The following TECTA variants were observed in gnomAD, a reference collection of about 807,000 sequenced individuals.
The protein encoded by TECTA is alpha-tectorin.
TECTA carries 128 observed loss-of-function variants against 216.8 expected under a neutral mutation model. The observed-to-expected ratio is 0.59, with a 90% CI of 0.51 to 0.68. TECTA has a LOEUF of 0.68. Ranked by LOEUF, TECTA falls within the 30% of genes least tolerant of loss-of-function variation. The pLI is 0.00. For synonymous variants in TECTA, 1,089 were observed against 1,117.1 expected, an observed-to-expected ratio of 0.97 and a Z score of 0.50; for missense variants, 2,551 against 2,786.2, an observed-to-expected ratio of 0.92 and a Z score of 1.90.
intron 12 of TECTA, among the ~76,000 whole-genome samples, chr11:121,152,018 T>G (rs931277568): frequency 1.3e-5 from 2 of 152,232 alleles, no homozygotes; most frequent in African/African-American, 2.4e-5. Context: ...CAATCAGCCA[T>G]GAAGTGAATG....
In TECTA at chr11:121,137,491, C is replaced by G. The variant is rs61291716; in HGVS notation, c.3012C>G (p.Thr1004=). 3.8e-3 allele frequency: 6,144 copies of G among 1,613,882 alleles called. 187 individuals are homozygous for G. In the African/African-American group the frequency reaches 0.07, roughly 18 times the overall value. The change falls in exon 11 of 24, where the codon ACC becomes ACG. Residue 1004 remains threonine, a synonymous_variant. Coordinates refer to ENST00000392793, the MANE Select transcript of TECTA (RefSeq NM_005422.4). Reference sequence around the variant, plus strand: ...GTACAGAGACCTGTGAGACCCTTACCCTGGGCCCCATCTGCGTGGATAGCT... The same window carrying G: ...GTACAGAGACCTGTGAGACCCTTACGCTGGGCCCCATCTGCGTGGATAGCT... ...ITCTETCETL[T]LGPICVDSCS...
rs1946906899 is a variant in TECTA at position 121,153,019 on chromosome 11, A to G, written c.4244A>G (p.Asn1415Ser). 1 of 1,614,088 alleles carries G rather than the reference A, an allele frequency of 6.2e-7. No individual in the cohort carries two copies. ...GCHCDAGYVL[N>S]GKSCILPHSC... ...CACTGCGACGCTGGCTACGTCCTCA[A>G]CGGCAAGAGCTGCATCCTGCCCCAC... is the stretch of plus-strand genomic sequence containing the variant. The change falls in exon 13 of 24, where the codon AAC becomes AGC. Residue 1415 changes from asparagine to serine, a missense_variant. By Grantham distance (46) the Asn-to-Ser change is conservative (BLOSUM62 1). Around this residue, in one of 3 missense-constraint regions of TECTA, gnomAD observed 2,375 missense variants for 2,563.9 expected, o/e 0.93. Coordinates refer to ENST00000392793, the MANE Select transcript of TECTA (RefSeq NM_005422.4).
intron 4 of TECTA, among the ~76,000 whole-genome samples, chr11:121,111,804 C>A (rs1301488032): frequency 6.6e-6 from 1 of 152,206 alleles, no homozygotes; most frequent in Non-Finnish European, 1.5e-5. Context: ...CTGTCCTCTT[C>A]TGTTGAATGG....
rs187497599 is a variant in TECTA at position 121,139,958 on chromosome 11, C to T, written c.3543+1936C>T. ...ATCGTTTTGCCCACGTTGCTCGCAT[C>T]ATATTTGTCCTTTACTCTTTGTTTC... On this transcript the variant is annotated intron_variant, in intron 11 of 23. Coordinates refer to ENST00000392793, the MANE Select transcript of TECTA (RefSeq NM_005422.4). Among the ~76,000 whole-genome samples the T allele has an allele frequency of 5.1e-4, 78 of 152,340 alleles. 2 individuals carry two copies. In the East Asian group the frequency reaches 8.5e-3, roughly 17 times the overall value.
intron 12 of TECTA, among the ~76,000 whole-genome samples, chr11:121,149,043 G>A (rs1946866008): frequency 6.6e-6 from 1 of 152,230 alleles, no homozygotes; most frequent in African/African-American, 2.4e-5. Flanking sequence ...CTATGTGCCA[G>A]GTTCTAAGTG....
At chr11:121,156,921 A>G (rs779344504) in intron 13 of TECTA, among the ~76,000 whole-genome samples, 2 of 152,210 alleles carry the variant, frequency 1.3e-5, no homozygotes, top group Non-Finnish European at 2.9e-5. Context: ...TCTGATCCCA[A>G]AACGTTCCTT....
At chr11:121,131,086 G>GT (rs1229523198) in intron 10 of TECTA, among the ~76,000 whole-genome samples, 1 of 151,790 alleles carries the variant, frequency 6.6e-6, no homozygotes, top group Admixed American at 6.6e-5. Flanking sequence ...TGGTGGCGGG[G>GT]GCCTGTGGTC....
intron 16 of TECTA, 58 bp from the exon 17 acceptor site, chr11:121,165,215 T>C: frequency 6.6e-7 from 1 of 1,505,934 alleles, no homozygotes; most frequent in Non-Finnish European, 9.1e-7. Context: ...AACCAAAAGC[T>C]ACCGCATGTA....
chr11:121,126,048 C>G lies in TECTA; in HGVS notation c.1774+176C>G, dbSNP rs556882826. 2.0e-5 allele frequency among the ~76,000 whole-genome samples: 3 copies of G among 152,348 alleles called. No individual in the cohort carries two copies. The East Asian group carries it at 5.8e-4, about 29-fold the overall frequency. Reference sequence around the variant, plus strand: ...AAAGGATCTTTACTTTTGCCCCCACCTAATACCACAACCAGGAAACAAGAA... The same window carrying G: ...AAAGGATCTTTACTTTTGCCCCCACGTAATACCACAACCAGGAAACAAGAA... On this transcript the variant is annotated intron_variant, in intron 8 of 23. Coordinates refer to ENST00000392793, the MANE Select transcript of TECTA (RefSeq NM_005422.4).
intron 13 of TECTA, among the ~76,000 whole-genome samples, chr11:121,156,464 C>G (rs1946941976): frequency 6.6e-6 from 1 of 152,134 alleles, no homozygotes; most frequent in African/African-American, 2.4e-5. Context: ...CTGCCTCAGC[C>G]TACCGAGTGG....
Position 121,137,424 on chromosome 11 carries a change from T to C in TECTA, c.2945T>C (p.Leu982Pro), listed in dbSNP as rs141616288. Reference sequence around the variant, plus strand: ...TCTTCTCCTTGACCACCTGCAGCACTGGAGTGCCCAGAGAACAGCCACTTT... The same window carrying C: ...TCTTCTCCTTGACCACCTGCAGCACCGGAGTGCCCAGAGAACAGCCACTTT... Reference protein sequence around the residue: ...GPWRTYDFCPLECPENSHFEE... With the variant: ...GPWRTYDFCPPECPENSHFEE... Residue 982 changes from leucine (L) to proline (P), a missense_variant, in exon 11 of 24, where the codon CTG becomes CCG. Coordinates refer to ENST00000392793, the MANE Select transcript of TECTA (RefSeq NM_005422.4). 765 of 1,613,828 alleles carry C rather than the reference T, an allele frequency of 4.7e-4. 1 individual carries two copies. Among genetic ancestry groups the C allele is most frequent in the Non-Finnish European group, 6.0e-4 (707 of 1,179,948 alleles).
chr11:121,129,323 CA>C (rs749520007), intron 9 of TECTA, among the ~76,000 whole-genome samples: 5 of 152,200 alleles, frequency 3.3e-5, no homozygotes, highest in African/African-American at 4.8e-5. Flanking sequence ...GGTACCAAAA[CA>C]GAGATGCCAG....
In TECTA at chr11:121,190,952, C is replaced by T; in HGVS notation, c.*146C>T. ...CACCTGCCTCCAATGGTCCAAGGTCCAGAAACCAGCGACCATCCAAGCTCC... is the reference window on the plus strand; with the variant it reads ...CACCTGCCTCCAATGGTCCAAGGTCTAGAAACCAGCGACCATCCAAGCTCC... On this transcript the variant is annotated 3_prime_UTR_variant, in exon 24 of 24. Coordinates refer to ENST00000392793, the MANE Select transcript of TECTA (RefSeq NM_005422.4). 1.5e-6 allele frequency: 1 copy of T among 652,564 alleles called. No individual in the cohort carries two copies. The highest frequency in any genetic ancestry group is 2.7e-6 in the Non-Finnish European group (1 of 367,866). 40.4% of individuals were successfully genotyped at this position (652,564 alleles called of 1,614,324 possible).
At position 121,105,605 on chromosome 11, in the gene TECTA, T is replaced by G. The variant is rs1041087423; in HGVS notation, c.65-226T>G. ...TGAAAGTGCAAGAACATGCACAAAGTGCTTTCTCCTATGGAGAAACAATGT... is the reference window on the plus strand; with the variant it reads ...TGAAAGTGCAAGAACATGCACAAAGGGCTTTCTCCTATGGAGAAACAATGT... On this transcript the variant is annotated intron_variant, in intron 2 of 23. Coordinates refer to ENST00000392793, the MANE Select transcript of TECTA (RefSeq NM_005422.4). This position sits in a 1 kb window ranked among gnomAD's most constrained non-coding sequence, Gnocchi z 5.3. Among the ~76,000 whole-genome samples, 2 of 152,224 alleles carry G rather than the reference T, an allele frequency of 1.3e-5. No homozygotes were observed. The highest frequency in any genetic ancestry group is 4.8e-5 in the African/African-American group (2 of 41,464).
chr11:121,157,776 TGGG>T lies in TECTA; in HGVS notation c.4306-64_4306-62del, dbSNP rs2135120014. The stretch of plus-strand genomic sequence containing the variant: ...AAGCCTGATAAAAGACGAGGGGGAC[TGGG>T]CTTTCGGGTCCCCAGCCCTGACCAC... On this transcript the variant is annotated intron_variant, in intron 13 of 23. Coordinates refer to ENST00000392793, the MANE Select transcript of TECTA (RefSeq NM_005422.4). 11 of 1,610,542 alleles carry T rather than the reference TGGG, an allele frequency of 6.8e-6. No homozygotes were observed. In the East Asian group the frequency reaches 2.2e-4, roughly 33 times the overall value.
intron 14 of TECTA, among the ~76,000 whole-genome samples, chr11:121,158,796 C>A (rs531919699): frequency 6.6e-6 from 1 of 152,272 alleles, no homozygotes; most frequent in African/African-American, 2.4e-5. Context: ...CCTCCTTAGG[C>A]CCATTGCCTG....
chr11:121,107,365 G>T (rs73599470), intron 3 of TECTA, among the ~76,000 whole-genome samples: 5 of 152,104 alleles, frequency 3.3e-5, no homozygotes, highest in African/African-American at 4.8e-5. Flanking sequence ...TGTTCCTTGC[G>T]TTTCCAACAC....
chr11:121,165,321 C>G lies in TECTA; in HGVS notation c.5321C>G (p.Thr1774Ser). 1.2e-6 allele frequency: 2 copies of G among 1,609,044 alleles called. No individual in the cohort carries two copies. The highest frequency in any genetic ancestry group is 1.7e-6 in the Non-Finnish European group (2 of 1,177,932). Residue 1774 changes from threonine to serine, a missense_variant, in exon 17 of 24, where the codon ACT becomes AGT. Thr to Ser is a moderately conservative substitution (Grantham distance 58). Around this residue, in one of 3 missense-constraint regions of TECTA, gnomAD observed 2,375 missense variants for 2,563.9 expected, o/e 0.93. Coordinates refer to ENST00000392793, the MANE Select transcript of TECTA (RefSeq NM_005422.4). ...GTGGGGGCGGACTGTCCCAACCGAA[C>G]TTGCGAGCTGGGCAATGGCAGGGAG... ...PCVGADCPNR[T>S]CELGNGRELC...
intron 12 of TECTA, chr11:121,146,387 C>T (rs1346376866): frequency 3.8e-6 from 2 of 524,486 alleles, no homozygotes; most frequent in Non-Finnish European, 6.9e-6. Flanking sequence ...CAGAGTATCA[C>T]ACATGGCACT....
Sources: allele counts gnomAD v4.1 joint callset (sites outside exome capture counted in the v4.1 genomes callset), GRCh38; gene constraint gnomAD v4.1.1; regional missense constraint gnomAD v4.1.1; non-coding constraint Gnocchi (gnomAD v3.1); transcripts MANE v1.5; gene names NCBI Gene and HGNC (gene_info 2026-07-23, HGNC 2026-07-21).